The following INPP5F variants were observed in gnomAD, a reference collection of about 807,000 sequenced individuals.
The protein encoded by INPP5F is phosphatidylinositide 4-phosphatase SAC2.
In INPP5F, 97 loss-of-function variants were observed where a neutral mutation model predicts 137.2. The ratio of observed to expected loss-of-function variants is 0.71; its 90% confidence interval spans 0.60 to 0.84. The LOEUF is 0.84. Ranked by LOEUF, INPP5F falls within the 40% of genes least tolerant of loss-of-function variation. The pLI is 0.00. For missense variants in INPP5F, 1,271 were observed against 1,371.9 expected (o/e 0.93, Z 1.16); for synonymous variants, 504 against 476.9 (o/e 1.06, Z -0.74).
chr10:119,789,441 T>A (rs1850053103), intron 3 of INPP5F, among the ~76,000 whole-genome samples: 2 of 152,100 alleles, frequency 1.3e-5, no homozygotes, highest in African/African-American at 4.8e-5. Flanking sequence ...AGGGAAAGCA[T>A]CTTTTTAAAA....
At chr10:119,754,679 C>T (rs900429916) in intron 2 of INPP5F, among the ~76,000 whole-genome samples, 2 of 152,170 alleles carry the variant, frequency 1.3e-5, no homozygotes, top group South Asian at 4.2e-4. Flanking sequence ...AAACACTTTT[C>T]TGGGCCCCTG....
At chr10:119,799,317 A>C in intron 9 of INPP5F, 1 of 449,136 alleles carries the variant, frequency 2.2e-6, no homozygotes, top group Non-Finnish European at 4.5e-6. Context: ...CAGCAACAAA[A>C]ATGAAGTAGG....
chr10:119,829,126 G>A lies in INPP5F; in HGVS notation c.*1346G>A, dbSNP rs1401624535. On this transcript the variant is annotated 3_prime_UTR_variant, in exon 20 of 20. Coordinates refer to ENST00000650623, the MANE Select transcript of INPP5F (RefSeq NM_014937.4). ...TAAATCTTGTGATTATTAAAATAAA[G>A]TACCATTGTAATTTAAAGTGACAAA... 1 of 152,336 alleles carries A rather than the reference G, an allele frequency of 6.6e-6. No homozygotes were observed. Among genetic ancestry groups the A allele is most frequent in the Non-Finnish European group, 1.5e-5 (1 of 68,004 alleles). The allele number at this position is 152,336 out of a possible 1,614,324, so 9.4% of individuals were successfully genotyped here.
chr10:119,827,117 T>G lies in INPP5F; in HGVS notation c.2736T>G (p.Asp912Glu). 1 of 1,614,142 alleles carries G rather than the reference T, an allele frequency of 6.2e-7. No individual in the cohort carries two copies. The highest frequency in any genetic ancestry group is 1.1e-5 in the South Asian group (1 of 91,084). Residue 912 changes from aspartate (D) to glutamate (E), a missense_variant, in exon 20 of 20, where the codon GAT (aspartate) becomes GAG (glutamate). Physicochemically the swap from Asp to Glu is conservative, Grantham distance 45 (BLOSUM62 2). Around this residue, in one of 6 missense-constraint regions of INPP5F, gnomAD observed 490 missense variants for 443.7 expected, o/e 1.10. Coordinates refer to ENST00000650623, the MANE Select transcript of INPP5F (RefSeq NM_014937.4). ...GGTCCCAGTCTCTTAGCAGCACAGA[T>G]AGTAGCGTTCATGCTCCTTCAGAGA... Reference protein sequence around the residue: ...GSRSQSLSSTDSSVHAPSEIT... With the variant: ...GSRSQSLSSTESSVHAPSEIT...
chr10:119,815,031 A>C (rs528731099), intron 15 of INPP5F, among the ~76,000 whole-genome samples: 2 of 151,850 alleles, frequency 1.3e-5, no homozygotes, highest in African/African-American at 4.8e-5. Context: ...ACGCCCGGCT[A>C]ATTTTTTGTA....
chr10:119,819,603 T>A, intron 15 of INPP5F: 1 of 1,328,542 alleles, frequency 7.5e-7, no homozygotes. Context: ...TCTATGAAGC[T>A]GTCTGGATCG....
intron 2 of INPP5F, among the ~76,000 whole-genome samples, chr10:119,757,603 C>T (rs900589392): frequency 4.6e-5 from 7 of 151,740 alleles, no homozygotes; most frequent in African/African-American, 1.7e-4. Flanking sequence ...ACCAGCCTGA[C>T]CACATGGTGA....
At chr10:119,799,551 AT>A (rs963653336) in intron 9 of INPP5F, among the ~76,000 whole-genome samples, 8 of 152,242 alleles carry the variant, frequency 5.3e-5, no homozygotes, top group African/African-American at 1.9e-4. Flanking sequence ...AAACCCTCAA[AT>A]TGAAAAAAAA....
rs1217904401 is a variant in INPP5F, at chr10:119,811,880, A to T, written c.1811A>T (p.Gln604Leu). ...CAGGAACTAATTAGCCAGCTCTTAC[A>T]AAGTTACATGAAGTTACTACTGCCT... ...SHQELISQLL[Q>L]SYMKLLLPDD... The change falls in exon 15 of 20, where the codon CAA becomes CTA. Residue 604 changes from glutamine (Q) to leucine (L), a missense_variant. Around this residue, in one of 6 missense-constraint regions of INPP5F, gnomAD observed 593 missense variants for 712.4 expected, o/e 0.83. Coordinates refer to ENST00000650623, the MANE Select transcript of INPP5F (RefSeq NM_014937.4). The T allele has an allele frequency of 6.8e-6, 11 of 1,614,102 alleles. No homozygotes were observed. Among genetic ancestry groups the T allele is most frequent in the Non-Finnish European group, 8.5e-6 (10 of 1,180,022 alleles).
rs3736822 is a variant in INPP5F, at chr10:119,806,397, A to G, written c.1357A>G (p.Ile453Val). The G allele has an allele frequency of 1.0e-3, 1,595 of 1,601,848 alleles. 9 individuals are homozygous for G. In the East Asian group the frequency reaches 0.022, roughly 22 times the overall value. ...EAGVICKQEG[I>V]FRVNCMDCLD... ...TGGGGTAATATGTAAGCAGGAAGGG[A>G]TTTTTCGTGTTAATTGTATGGACTG... is the stretch of plus-strand genomic sequence containing the variant. The change falls in exon 12 of 20, where the codon ATT (isoleucine) becomes GTT (valine). Residue 453 changes from isoleucine (I) to valine (V), a missense_variant. Physicochemically the swap from Ile to Val is conservative, Grantham distance 29. Around this residue, in one of 6 missense-constraint regions of INPP5F, gnomAD observed 593 missense variants for 712.4 expected, o/e 0.83. Transcript: ENST00000650623.
chr10:119,775,436 G>A (rs1340667420), intron 2 of INPP5F, among the ~76,000 whole-genome samples: 1 of 151,854 alleles, frequency 6.6e-6, no homozygotes, highest in Non-Finnish European at 1.5e-5. Flanking sequence ...ATTTTTAAAT[G>A]GTTTTTTTTG....
intron 2 of INPP5F, among the ~76,000 whole-genome samples, chr10:119,776,662 CTGTGTGTGTGTGTGTATGTGTGTT>C (rs1271846171): frequency 6.6e-6 from 1 of 150,870 alleles, no homozygotes; most frequent in Non-Finnish European, 1.5e-5. Context: ...GGGCCTTCCT[CTGTGTGTGTGTGTGTATGTGTGTT>C]TGTGTGTGTG....
chr10:119,819,306 TG>T, intron 15 of INPP5F: 1 of 392,304 alleles, frequency 2.5e-6, no homozygotes. Flanking sequence ...TCAGTAAAAT[TG>T]GGGGTGGGGG....
intron 2 of INPP5F, among the ~76,000 whole-genome samples, chr10:119,752,164 A>C (rs552620423): frequency 6.6e-6 from 1 of 152,300 alleles, no homozygotes; most frequent in African/African-American, 2.4e-5. Flanking sequence ...CCTTTGCTAG[A>C]TTCTTTGGTT....
At chr10:119,781,493 CTT>C in intron 2 of INPP5F, 140 bp from the exon 3 acceptor site, 1 of 588,982 alleles carries the variant, frequency 1.7e-6, no homozygotes, top group African/African-American at 1.9e-5. Flanking sequence ...CATTTTATGT[CTT>C]TGTGACATGT....
chr10:119,781,588 G>C (rs1347419465), intron 2 of INPP5F, 47 bp from the exon 3 acceptor site: 2 of 1,549,146 alleles, frequency 1.3e-6, no homozygotes, highest in Non-Finnish European at 1.8e-6. Context: ...TGTCAGAACA[G>C]TAGCACTCTA....
intron 2 of INPP5F, among the ~76,000 whole-genome samples, chr10:119,760,560 C>T (rs1848982206): frequency 6.6e-6 from 1 of 152,280 alleles, no homozygotes; most frequent in African/African-American, 2.4e-5. Flanking sequence ...ACCTTTTGGA[C>T]TTTTTATCTT....
At position 119,827,882 on chromosome 10, in the gene INPP5F, T is replaced by C; in HGVS notation, c.*102T>C. 1.1e-6 allele frequency: 1 copy of C among 903,544 alleles called. No homozygotes were observed. Among genetic ancestry groups the C allele is most frequent in the South Asian group, 1.7e-5 (1 of 59,412 alleles). 56.0% of individuals were successfully genotyped at this position (903,544 alleles called of 1,614,324 possible). A position where few individuals can be genotyped will look rare whatever the true frequency, so the allele number is the denominator to read the frequency against. On this transcript the variant is annotated 3_prime_UTR_variant, in exon 20 of 20. Coordinates refer to ENST00000650623, the MANE Select transcript of INPP5F (RefSeq NM_014937.4). ...ACTGTCTGAACCCAGGGATCACAAA[T>C]TCTGTTCATTGGAAAGGGTTTTAAA... is the stretch of plus-strand genomic sequence containing the variant.
At chr10:119,783,361 A>G (rs1266618460) in intron 3 of INPP5F, among the ~76,000 whole-genome samples, 1 of 152,186 alleles carries the variant, frequency 6.6e-6, no homozygotes, top group Middle Eastern at 3.2e-3. Flanking sequence ...AGGTTTGAGC[A>G]CTAAGACTGG....
Sources: allele counts gnomAD v4.1 joint callset (sites outside exome capture counted in the v4.1 genomes callset), GRCh38; gene constraint gnomAD v4.1.1; regional missense constraint gnomAD v4.1.1; transcripts MANE v1.5; gene names NCBI Gene and HGNC (gene_info 2026-07-23, HGNC 2026-07-21).